The following RANBP2 variants were observed in gnomAD, a reference collection of about 807,000 sequenced individuals.
The protein encoded by RANBP2 is E3 SUMO-protein ligase RanBP2.
RANBP2 carries 57 observed loss-of-function variants against 303.6 expected under a neutral mutation model. The ratio of observed to expected loss-of-function variants is 0.19; its 90% CI spans 0.15 to 0.23. RANBP2 has a LOEUF of 0.23. Among genes scored for constraint, RANBP2 ranks in the 10% least tolerant of loss-of-function variants. The pLI is 1.00. For synonymous variants in RANBP2, 1,167 were observed against 1,301.5 expected (o/e 0.90, Z 2.23); for missense variants, 3,138 against 3,780.8 (o/e 0.83, Z 4.46).
At chr2:108,873,425 TA>T in the RANBP2 span, 1 of 1,555,364 alleles carries the variant, frequency 6.4e-7, no homozygotes. Context: ...TCCCTAATAG[TA>T]AAGCACTGTT....
At chr2:108,995,082 G>C in the RANBP2 span, among the ~76,000 whole-genome samples, 1 of 151,900 alleles carries the variant, frequency 6.6e-6, no homozygotes, top group Admixed American at 6.6e-5. Context: ...CACCCGCCTC[G>C]GTCTCCCAAA....
At chr2:109,465,394 A>T in the RANBP2 span, among the ~76,000 whole-genome samples, 1 of 152,232 alleles carries the variant, frequency 6.6e-6, no homozygotes, top group Non-Finnish European at 1.5e-5. Context: ...TAGTTTTGTA[A>T]GAAACTGCCA....
chr2:108,972,807 C>T, the RANBP2 span, among the ~76,000 whole-genome samples: 2 of 152,152 alleles, frequency 1.3e-5, no homozygotes, highest in African/African-American at 2.4e-5. Context: ...CCGGCAGGGG[C>T]GTTCACTCTT....
At chr2:108,781,875 T>C (rs763604826) in intron 26 of RANBP2, among the ~76,000 whole-genome samples, 8 of 152,164 alleles carry the variant, frequency 5.3e-5, no homozygotes, top group Non-Finnish European at 1.2e-4. Flanking sequence ...CTCTGTCCTA[T>C]AAAGAAAAGC....
the RANBP2 span, among the ~76,000 whole-genome samples, chr2:109,100,696 A>C: frequency 3.0e-4 from 46 of 152,270 alleles, no homozygotes; most frequent in South Asian, 8.5e-3. Flanking sequence ...CTCACAAATA[A>C]ATTTTATGAT....
At chr2:109,114,003 T>C in the RANBP2 span, among the ~76,000 whole-genome samples, 2 of 152,250 alleles carry the variant, frequency 1.3e-5, no homozygotes, top group Non-Finnish European at 2.9e-5. Flanking sequence ...TCATGGTGGA[T>C]AAACTTTTTG....
intron 12 of RANBP2, 71 bp downstream of exon 12, chr2:108,752,065 A>G (rs2149223686): frequency 1.2e-6 from 2 of 1,601,614 alleles, no homozygotes; most frequent in South Asian, 1.1e-5. Flanking sequence ...CTTTTTATTG[A>G]AAGTTTTTTT....
At chr2:108,798,127 A>G in the RANBP2 span, among the ~76,000 whole-genome samples, 2 of 152,162 alleles carry the variant, frequency 1.3e-5, no homozygotes, top group African/African-American at 2.4e-5. Context: ...GTGGAAGCAG[A>G]GCATGGAATT....
At chr2:108,853,853 TATATATATA>T in the RANBP2 span, among the ~76,000 whole-genome samples, 50 of 129,530 alleles carry the variant, frequency 3.9e-4, no homozygotes, top group Non-Finnish European at 7.0e-4. Flanking sequence ...ATATATATAC[TATATATATA>T]ATATATATAC....
At chr2:108,978,061 C>T in the RANBP2 span, among the ~76,000 whole-genome samples, 119 of 152,288 alleles carry the variant, frequency 7.8e-4, 1 homozygote, top group African/African-American at 2.8e-3. Flanking sequence ...TTCCTTCTCC[C>T]GACAAATGGC....
At chr2:108,723,223 C>T (rs547523492) in intron 1 of RANBP2, among the ~76,000 whole-genome samples, 79 of 152,096 alleles carry the variant, frequency 5.2e-4, no homozygotes, top group African/African-American at 1.8e-3. Flanking sequence ...TTCTGAGTAA[C>T]ACACATATAT....
the RANBP2 span, among the ~76,000 whole-genome samples, chr2:109,415,586 C>T: frequency 6.6e-6 from 1 of 152,174 alleles, no homozygotes; most frequent in South Asian, 2.1e-4. Flanking sequence ...GGGTTCCCTG[C>T]AAAGCTGCAG....
rs1234928538 is a variant in RANBP2, at chr2:108,729,277, A to G, written c.140+78A>G. On this transcript the variant is annotated intron_variant, in intron 2 of 28. Transcript: ENST00000283195. The stretch of plus-strand genomic sequence containing the variant: ...ATTTTCTTCTTTGAAATAGGTAAAA[A>G]TATGTTCTTAGTAGTTCTTCCTAAG... 26 of 1,428,238 alleles carry G rather than the reference A, an allele frequency of 1.8e-5. No individual in the cohort carries two copies. In the East Asian group the frequency reaches 6.0e-4, roughly 33 times the overall value. 88.5% of individuals were successfully genotyped at this position (1,428,238 alleles called of 1,614,324 possible).
At chr2:109,726,742 T>G in the RANBP2 span, among the ~76,000 whole-genome samples, 1 of 152,202 alleles carries the variant, frequency 6.6e-6, no homozygotes, top group African/African-American at 2.4e-5. Context: ...GCAAGTGCTC[T>G]GGAGAGTGGG....
the RANBP2 span, among the ~76,000 whole-genome samples, chr2:109,116,038 A>G: frequency 2.0e-5 from 3 of 152,178 alleles, no homozygotes; most frequent in South Asian, 2.1e-4. Context: ...GGGTAACCCA[A>G]TCTTTCTCTC....
chr2:109,382,588 C>G, the RANBP2 span, among the ~76,000 whole-genome samples: 4 of 152,200 alleles, frequency 2.6e-5, no homozygotes, highest in Non-Finnish European at 5.9e-5. Context: ...CACAGAGCAC[C>G]CCAGTCGTCT....
At position 108,764,866 on chromosome 2, in the gene RANBP2, TCTG is replaced by T. The variant is rs1461528880; in HGVS notation, c.4330_4332del (p.Ala1444del). 4 of 1,613,882 alleles carry T rather than the reference TCTG, an allele frequency of 2.5e-6. No homozygotes were observed. Among genetic ancestry groups the T allele is most frequent in the Non-Finnish European group, 3.4e-6 (4 of 1,179,912 alleles). ...GTGCATTGCGTGTCAGAATACAAAA[TCTG>T]CTAACAAAAGTGGATCTTCATTTGT... On this transcript the variant is annotated inframe_deletion, in exon 20 of 29. Coordinates refer to ENST00000283195, the MANE Select transcript of RANBP2 (RefSeq NM_006267.5).
At chr2:108,868,269 C>G in the RANBP2 span, among the ~76,000 whole-genome samples, 12 of 152,152 alleles carry the variant, frequency 7.9e-5, no homozygotes, top group Non-Finnish European at 1.5e-4. Context: ...AGTATTGGTG[C>G]AGGGAGTCCA....
At chr2:109,408,762 T>C in the RANBP2 span, among the ~76,000 whole-genome samples, 1 of 152,242 alleles carries the variant, frequency 6.6e-6, no homozygotes, top group African/African-American at 2.4e-5. Flanking sequence ...ACTTTCTGTT[T>C]GAAGACAGAA....
Sources: allele counts gnomAD v4.1 joint callset (sites outside exome capture counted in the v4.1 genomes callset), GRCh38; gene constraint gnomAD v4.1.1; transcripts MANE v1.5; gene names NCBI Gene and HGNC (gene_info 2026-07-23, HGNC 2026-07-21).